The following MAGI2 variants were observed in gnomAD, a reference collection of about 807,000 sequenced individuals.
MAGI2 encodes membrane-associated guanylate kinase, WW and PDZ domain-containing protein 2.
MAGI2 carries 35 observed loss-of-function variants against 133.3 expected under a neutral mutation model. The observed-to-expected ratio is 0.26, with a 90% CI of 0.20 to 0.35. The LOEUF (loss-of-function observed/expected upper bound fraction) is 0.35, where lower values mean the gene tolerates loss of function less well. MAGI2 is among the 10% of genes least tolerant of loss of function. The pLI is 1.00. For synonymous variants in MAGI2, 729 were observed against 710.6 expected, an observed-to-expected ratio of 1.03 and a Z score of -0.41; for missense variants, 1,636 against 1,863.4, an observed-to-expected ratio of 0.88 and a Z score of 2.25.
intron 2 of MAGI2, among the ~76,000 whole-genome samples, chr7:78,823,909 T>TCACACACACACACACACA (rs151269215): frequency 6.8e-6 from 1 of 148,052 alleles, no homozygotes; most frequent in Non-Finnish European, 1.5e-5. Context: ...GGATTTCACA[T>TCACACACACACACACACA]CACACACACA....
chr7:78,937,866 T>C (rs1215447833), intron 2 of MAGI2, among the ~76,000 whole-genome samples: 1 of 152,134 alleles, frequency 6.6e-6, no homozygotes, highest in Non-Finnish European at 1.5e-5. Flanking sequence ...TTGGTGGGAA[T>C]TGAGAATTCT....
rs577211144 is a variant in MAGI2 at position 79,035,836 on chromosome 7, C to G, written c.302-28630G>C. Among the ~76,000 whole-genome samples, 11 of 152,210 alleles carry G rather than the reference C, an allele frequency of 7.2e-5. No individual in the cohort carries two copies. The East Asian group carries it at 2.1e-3, about 29-fold the overall frequency. On this transcript the variant is annotated intron_variant, in intron 1 of 21. Coordinates refer to ENST00000354212, the MANE Select transcript of MAGI2 (RefSeq NM_012301.4). ...ATAAATGAAGAAGATTATAGAAACC[C>G]AATTCACAATCCTGTAAATTGAGAA...
intron 9 of MAGI2, among the ~76,000 whole-genome samples, chr7:78,292,529 A>C (rs1207579834): frequency 6.6e-6 from 1 of 152,232 alleles, no homozygotes; most frequent in Non-Finnish European, 1.5e-5. Flanking sequence ...TATAGATTCA[A>C]TGCCATCCCC....
At chr7:79,270,723 A>G (rs1034082751) in intron 1 of MAGI2, among the ~76,000 whole-genome samples, 5 of 144,364 alleles carry the variant, frequency 3.5e-5, no homozygotes, top group African/African-American at 9.8e-5. Context: ...GGAGAATCAT[A>G]TATGTCTGAG....
chr7:78,327,366 C>A (rs964935469), intron 9 of MAGI2, among the ~76,000 whole-genome samples: 1 of 152,226 alleles, frequency 6.6e-6, no homozygotes, highest in East Asian at 1.9e-4. Flanking sequence ...GCAAAGGAAG[C>A]GAGTCCACTG....
chr7:79,063,697 A>G (rs1317953041), intron 1 of MAGI2, among the ~76,000 whole-genome samples: 1 of 152,108 alleles, frequency 6.6e-6, no homozygotes, highest in Non-Finnish European at 1.5e-5. Flanking sequence ...TTAGGATATT[A>G]CCATACCTAT....
intron 3 of MAGI2, among the ~76,000 whole-genome samples, chr7:78,552,519 C>T (rs1029010030): frequency 2.6e-5 from 4 of 152,098 alleles, no homozygotes; most frequent in Admixed American, 6.6e-5. Context: ...TACATGAAAA[C>T]GTGTAGCCGG....
At chr7:79,253,506 G>A (rs1029950597) in intron 1 of MAGI2, among the ~76,000 whole-genome samples, 6 of 151,992 alleles carry the variant, frequency 3.9e-5, no homozygotes, top group African/African-American at 1.5e-4. Context: ...AGCCTGGCAT[G>A]GTAGCACACA....
chr7:78,419,029 T>G (rs1021206495), intron 6 of MAGI2, among the ~76,000 whole-genome samples: 1 of 152,144 alleles, frequency 6.6e-6, no homozygotes, highest in Non-Finnish European at 1.5e-5. Flanking sequence ...TATAGACAGT[T>G]AGGCTATACA....
At chr7:78,511,205 T>C (rs981001898) in intron 4 of MAGI2, among the ~76,000 whole-genome samples, 5 of 152,134 alleles carry the variant, frequency 3.3e-5, no homozygotes, top group Non-Finnish European at 7.4e-5. Flanking sequence ...AATATGATTG[T>C]GTTGATTTTT....
At chr7:78,666,850 A>G (rs1021259974) in intron 2 of MAGI2, among the ~76,000 whole-genome samples, 14 of 152,146 alleles carry the variant, frequency 9.2e-5, no homozygotes, top group Admixed American at 2.6e-4. Context: ...CTAAAAGTGA[A>G]GTCTTCAGAT....
At chr7:78,530,615 G>A (rs1444424126) in intron 3 of MAGI2, among the ~76,000 whole-genome samples, 1 of 152,068 alleles carries the variant, frequency 6.6e-6, no homozygotes, top group African/African-American at 2.4e-5. Flanking sequence ...TTTCTCTCTT[G>A]CATTTCCTCT....
At chr7:78,219,936 C>T (rs1430740335) in intron 10 of MAGI2, among the ~76,000 whole-genome samples, 1 of 152,192 alleles carries the variant, frequency 6.6e-6, no homozygotes, top group African/African-American at 2.4e-5. Context: ...TCCATTCTTT[C>T]CATTGCTGCT....
intron 6 of MAGI2, among the ~76,000 whole-genome samples, chr7:78,433,429 AG>A (rs1157093709): frequency 6.6e-6 from 1 of 152,024 alleles, no homozygotes; most frequent in Non-Finnish European, 1.5e-5. Flanking sequence ...TTGGTTTCAT[AG>A]GTTTGAATTT....
At chr7:78,328,682 A>G (rs532253836) in intron 9 of MAGI2, among the ~76,000 whole-genome samples, 2 of 152,282 alleles carry the variant, frequency 1.3e-5, no homozygotes, top group African/African-American at 4.8e-5. Flanking sequence ...TGTGCTTAAA[A>G]TTATGTTCAC....
At chr7:79,011,857 T>C (rs1302205359) in intron 1 of MAGI2, among the ~76,000 whole-genome samples, 1 of 151,120 alleles carries the variant, frequency 6.6e-6, no homozygotes, top group African/African-American at 2.4e-5. Context: ...CACGTTCTTT[T>C]GGTAGAAGAT....
chr7:78,095,127 A>T (rs1420816800), intron 20 of MAGI2, among the ~76,000 whole-genome samples: 1 of 152,190 alleles, frequency 6.6e-6, no homozygotes, highest in Non-Finnish European at 1.5e-5. Flanking sequence ...GTCATGTTAG[A>T]TGCTGGGGAT....
intron 2 of MAGI2, among the ~76,000 whole-genome samples, chr7:78,665,571 T>G (rs752589320): frequency 6.6e-6 from 1 of 152,148 alleles, no homozygotes; most frequent in Non-Finnish European, 1.5e-5. Context: ...ATTAGAAGGT[T>G]GATTTGGATT....
chr7:78,428,076 C>T (rs6978526), intron 6 of MAGI2, among the ~76,000 whole-genome samples: 27,163 of 152,106 alleles, frequency 0.18, 3,306 homozygotes, highest in African/African-American at 0.34. Context: ...GTAACAGAGT[C>T]TTCTGTAATT....
Sources: allele counts gnomAD v4.1 joint callset (sites outside exome capture counted in the v4.1 genomes callset), GRCh38; gene constraint gnomAD v4.1.1; transcripts MANE v1.5; gene names NCBI Gene and HGNC (gene_info 2026-07-23, HGNC 2026-07-21).